The following SCHIP1 variants were observed in gnomAD, a reference collection of about 807,000 sequenced individuals.
The protein encoded by SCHIP1 is schwannomin interacting protein 1.
Under a neutral mutation model 29.7 loss-of-function variants are expected in SCHIP1, and 8 were observed. The observed-to-expected ratio is 0.27, with a 90% confidence interval of 0.16 to 0.49. The LOEUF (loss-of-function observed/expected upper bound fraction) is 0.49, where lower values mean the gene tolerates loss of function less well. Among genes scored for constraint, SCHIP1 ranks in the 20% least tolerant of loss-of-function variants. The pLI is 0.99. For missense variants in SCHIP1, 193 were observed against 294.6 expected (o/e 0.66, Z 2.52); for synonymous variants, 76 against 94.9 (o/e 0.80, Z 1.16).
chr3:159,869,785 C>T (rs771122944), intron 2 of SCHIP1, among the ~76,000 whole-genome samples: 1 of 151,750 alleles, frequency 6.6e-6, no homozygotes, highest in African/African-American at 2.4e-5. Flanking sequence ...ATTCTATAGA[C>T]CAATTTAGGA....
the SCHIP1 span, among the ~76,000 whole-genome samples, chr3:159,369,023 G>GT: frequency 1.3e-5 from 2 of 152,184 alleles, no homozygotes; most frequent in African/African-American, 4.8e-5. Context: ...GACAAGCAAT[G>GT]TAAGAGAAGT....
the SCHIP1 span, among the ~76,000 whole-genome samples, chr3:159,395,674 G>A: frequency 6.6e-6 from 1 of 152,022 alleles, no homozygotes; most frequent in Non-Finnish European, 1.5e-5. Context: ...ATTGCACTGT[G>A]GTCTGAGAGA....
the SCHIP1 span, among the ~76,000 whole-genome samples, chr3:159,683,801 G>T: frequency 6.6e-6 from 1 of 152,168 alleles, no homozygotes; most frequent in Non-Finnish European, 1.5e-5. Context: ...TCCACATGAA[G>T]TTTATCTGAA....
At chr3:159,582,997 T>G in the SCHIP1 span, among the ~76,000 whole-genome samples, 1 of 152,154 alleles carries the variant, frequency 6.6e-6, no homozygotes. Context: ...TAATACAGTA[T>G]TTTGTTGATC....
chr3:159,769,692 G>A, the SCHIP1 span, among the ~76,000 whole-genome samples: 1 of 152,238 alleles, frequency 6.6e-6, no homozygotes, highest in African/African-American at 2.4e-5. Flanking sequence ...GGAGGTTGCA[G>A]TGAGCCAAGA....
the SCHIP1 span, among the ~76,000 whole-genome samples, chr3:159,378,408 A>G: frequency 5.3e-5 from 8 of 152,210 alleles, no homozygotes; most frequent in African/African-American, 1.9e-4. Flanking sequence ...TATAATATCA[A>G]ACAGATCACT....
the SCHIP1 span, among the ~76,000 whole-genome samples, chr3:159,506,566 C>T: frequency 1.3e-5 from 2 of 152,158 alleles, no homozygotes; most frequent in African/African-American, 2.4e-5. Context: ...AATGGTATTG[C>T]CTAGGTTTTC....
At chr3:159,693,150 A>G in the SCHIP1 span, among the ~76,000 whole-genome samples, 5 of 152,140 alleles carry the variant, frequency 3.3e-5, no homozygotes, top group Admixed American at 1.3e-4. Flanking sequence ...CCCGAATATC[A>G]GTAGGGAGGG....
the SCHIP1 span, among the ~76,000 whole-genome samples, chr3:159,477,883 T>A: frequency 6.6e-6 from 1 of 152,004 alleles, no homozygotes; most frequent in Admixed American, 6.6e-5. Flanking sequence ...TTGTGTTTTC[T>A]TCTAGTAGTT....
chr3:159,571,896 T>G, the SCHIP1 span, among the ~76,000 whole-genome samples: 1 of 152,224 alleles, frequency 6.6e-6, no homozygotes, highest in African/African-American at 2.4e-5. Context: ...TCTTCTAGAT[T>G]TTCTAGTTTA....
chr3:159,506,967 A>T, the SCHIP1 span, among the ~76,000 whole-genome samples: 5 of 152,166 alleles, frequency 3.3e-5, no homozygotes, highest in African/African-American at 1.2e-4. Context: ...TTGGTTCCAT[A>T]TGAACTTTAA....
chr3:159,398,987 A>C, the SCHIP1 span: 1 of 977,584 alleles, frequency 1.0e-6, no homozygotes, highest in Non-Finnish European at 1.2e-6. Context: ...AGCCCAGCCC[A>C]GAGAACTGTT....
the SCHIP1 span, among the ~76,000 whole-genome samples, chr3:159,571,832 A>G: frequency 2.0e-5 from 3 of 152,130 alleles, no homozygotes; most frequent in East Asian, 5.8e-4. Flanking sequence ...CAGAGATTCA[A>G]CTTCTTCCTG....
At chr3:159,881,133 T>C (rs1167159277) in intron 2 of SCHIP1, among the ~76,000 whole-genome samples, 1 of 152,210 alleles carries the variant, frequency 6.6e-6, no homozygotes, top group African/African-American at 2.4e-5. Flanking sequence ...CATCTAAAGC[T>C]TACCCAAACC....
chr3:159,604,654 CAAAT>C, the SCHIP1 span, among the ~76,000 whole-genome samples: 260 of 151,976 alleles, frequency 1.7e-3, 1 homozygote, highest in African/African-American at 6.1e-3. Context: ...TAAAAACAGG[CAAAT>C]AAATCAGATC....
At chr3:159,465,393 G>A in the SCHIP1 span, among the ~76,000 whole-genome samples, 2 of 151,580 alleles carry the variant, frequency 1.3e-5, no homozygotes, top group African/African-American at 2.4e-5. Flanking sequence ...GAGAAAGAGA[G>A]ACCATTTATT....
chr3:159,380,081 A>C, the SCHIP1 span, among the ~76,000 whole-genome samples: 1 of 152,240 alleles, frequency 6.6e-6, no homozygotes, highest in Non-Finnish European at 1.5e-5. Flanking sequence ...AGAAAGGAAA[A>C]AATTTAAAAA....
chr3:159,714,992 C>T, the SCHIP1 span, among the ~76,000 whole-genome samples: 1 of 152,206 alleles, frequency 6.6e-6, no homozygotes, highest in Admixed American at 6.5e-5. Flanking sequence ...GAGGCATCTC[C>T]CAGTAGGGGA....
At chr3:159,658,544 C>A in the SCHIP1 span, among the ~76,000 whole-genome samples, 15 of 152,172 alleles carry the variant, frequency 9.9e-5, no homozygotes, top group Non-Finnish European at 2.1e-4. Context: ...GGATCCTTCT[C>A]ATCTCTACAA....
Sources: gnomAD v4.1 joint callset for allele counts (sites outside exome capture counted in the v4.1 genomes callset) on GRCh38, gnomAD v4.1.1 for gene constraint, MANE v1.5 for transcripts, NCBI Gene and HGNC (gene_info 2026-07-23, HGNC 2026-07-21) for gene names.